PDE4C: variants seen among roughly 807,000 people sequenced by gnomAD.
PDE4C encodes the protein 3',5'-cyclic-AMP phosphodiesterase 4C.
Under a neutral mutation model 63.9 loss-of-function variants are expected in PDE4C, and 50 were observed. The observed-to-expected ratio is 0.78, with a 90% CI of 0.62 to 0.99. The LOEUF (loss-of-function observed/expected upper bound fraction) is 0.99, where lower values mean the gene tolerates loss of function less well. Ranked by LOEUF, PDE4C falls within the 50% of genes least tolerant of loss-of-function variation. The probability of loss-of-function intolerance (pLI) is 0.00; values close to 1 mark genes in which losing one functional copy is unlikely to be tolerated. For missense variants in PDE4C, 777 were observed against 899.1 expected, an observed-to-expected ratio of 0.86 and a Z score of 1.74; for synonymous variants, 377 against 385.1, an observed-to-expected ratio of 0.98 and a Z score of 0.25.
chr19:18,225,168 G>GC lies in PDE4C; in HGVS notation c.146+1101dup, dbSNP rs1293098422. ...ATGACGCGGGCGGTGCGGGGGTAGAGCCCCCCGGCTGTGGGAACGGCGCGG... is the reference window on the plus strand; with the variant it reads ...ATGACGCGGGCGGTGCGGGGGTAGAGCCCCCCCGGCTGTGGGAACGGCGCGG... On this transcript the variant is annotated intron_variant, in intron 1 of 14. Transcript: ENST00000262805. Among the ~76,000 whole-genome samples the GC allele has an allele frequency of 5.3e-5, 8 of 152,246 alleles. No individual in the cohort carries two copies. In the East Asian group the frequency reaches 9.7e-4, roughly 18 times the overall value.
At chr19:18,215,986 G>A (rs886753132) in intron 12 of PDE4C, among the ~76,000 whole-genome samples, 28 of 149,858 alleles carry the variant, frequency 1.9e-4, no homozygotes, top group African/African-American at 6.4e-4. Flanking sequence ...CCCGCCACCA[G>A]GCCCGGCTAA....
exon 1 of PDE4C, chr19:18,233,545 G>A (rs751183803): frequency 1.3e-5 from 7 of 543,590 alleles, no homozygotes; most frequent in Non-Finnish European, 2.1e-5. Context: ...CAAGGACTTG[G>A]AGTGGAGAAG....
chr19:18,251,676 A>ACCCCCCCCCC (rs1969230557), upstream of PDE4C, among the ~76,000 whole-genome samples: 7 of 23,566 alleles, frequency 3.0e-4, no homozygotes, highest in African/African-American at 6.8e-4. Flanking sequence ...CTCGTGATAC[A>ACCCCCCCCCC]CGCCCCCCCC....
chr19:18,233,375 G>T (rs1240808718), exon 1 of PDE4C: 2 of 790,666 alleles, frequency 2.5e-6, no homozygotes, highest in East Asian at 2.7e-5. Flanking sequence ...GGCCGACACC[G>T]AGGAGCTGTC....
At chr19:18,223,415 G>T (rs1253995799) in intron 1 of PDE4C, among the ~76,000 whole-genome samples, 1 of 152,064 alleles carries the variant, frequency 6.6e-6, no homozygotes, top group Non-Finnish European at 1.5e-5. Flanking sequence ...TCTCCATGTT[G>T]GTCAGGCTGG....
intron 1 of PDE4C, among the ~76,000 whole-genome samples, chr19:18,242,112 A>G (rs940212266): frequency 9.2e-5 from 14 of 152,138 alleles, no homozygotes; most frequent in Admixed American, 3.9e-4. Context: ...ATAGGGGAAC[A>G]GCATACCAGG....
At chr19:18,228,675 G>A (rs1968790876), upstream of PDE4C, among the ~76,000 whole-genome samples, 1 of 152,144 alleles carries the variant, frequency 6.6e-6, no homozygotes, top group South Asian at 2.1e-4. Context: ...GTTCTAACAG[G>A]AAGGTGTTAA....
At position 18,221,196 on chromosome 19, in the gene PDE4C, T is replaced by G. The variant is rs1243142329; in HGVS notation, c.376-18A>C. 6.4e-7 allele frequency: 1 copy of G among 1,564,316 alleles called. No homozygotes were observed. Among genetic ancestry groups the G allele is most frequent in the African/African-American group, 1.4e-5 (1 of 72,492 alleles). On this transcript the variant is annotated intron_variant, in intron 3 of 14. Transcript: ENST00000262805. ...GCCAGGACCTGTTGGGAGGAGGTGG[T>G]AGGCGGTGGGAAGGAGAGGCCGGAT...
chr19:18,238,746 A>G (rs1016770216), intron 1 of PDE4C, among the ~76,000 whole-genome samples: 1 of 151,952 alleles, frequency 6.6e-6, no homozygotes, highest in Non-Finnish European at 1.5e-5. Flanking sequence ...TAATCCCAAT[A>G]CTTTGGGAGG....
the PDE4C span, chr19:18,255,211 A>G: frequency 2.5e-6 from 1 of 396,738 alleles, no homozygotes; most frequent in Non-Finnish European, 4.4e-6. The surrounding 1 kb of genome is among the most constrained non-coding windows in gnomAD (Gnocchi z 4.6). Context: ...CCTCTTTACC[A>G]GCTCTTACCT....
exon 2 of PDE4C, chr19:18,222,219 C>T (rs767854993): frequency 1.2e-6 from 2 of 1,614,160 alleles, no homozygotes; most frequent in Non-Finnish European, 1.7e-6. Context: ...GGACTCGCGC[C>T]GCTGGCTGTG....
intron 3 of PDE4C, 28 bp from the exon 4 acceptor site, chr19:18,221,206 G>A (rs1467149459): frequency 1.3e-6 from 2 of 1,551,796 alleles, no homozygotes; most frequent in Non-Finnish European, 1.7e-6. Flanking sequence ...TAGGCGGTGG[G>A]AAGGAGAGGC....
intron 12 of PDE4C, among the ~76,000 whole-genome samples, chr19:18,214,386 G>T (rs759315880): frequency 6.6e-6 from 1 of 152,132 alleles, no homozygotes; most frequent in Admixed American, 6.6e-5. Flanking sequence ...GGGAGGATGA[G>T]TTCTGTGCAA....
intron 12 of PDE4C, 114 bp from the exon 13 acceptor site, chr19:18,213,604 C>A: frequency 8.5e-7 from 1 of 1,175,190 alleles, no homozygotes; most frequent in East Asian, 2.7e-5. Flanking sequence ...CCTCAGCATA[C>A]TCATCTGTGA....
upstream of PDE4C, among the ~76,000 whole-genome samples, chr19:18,235,908 C>T (rs1968942069): frequency 6.6e-6 from 1 of 151,906 alleles, no homozygotes; most frequent in Non-Finnish European, 1.5e-5. Flanking sequence ...GACTTCTCTT[C>T]ATCCCTCAGG....
chr19:18,241,879 A>G (rs186504233), intron 1 of PDE4C, among the ~76,000 whole-genome samples: 1 of 152,282 alleles, frequency 6.6e-6, no homozygotes, highest in East Asian at 1.9e-4. Context: ...TGGGAAAACA[A>G]GGTTCCAGAT....
At chr19:18,211,308 G>C in intron 14 of PDE4C, 32 bp from the exon 15 acceptor site, 1 of 1,530,206 alleles carries the variant, frequency 6.5e-7, no homozygotes, top group Non-Finnish European at 8.8e-7. Flanking sequence ...GTCGGCATTT[G>C]GTGAGTTACA....
upstream of PDE4C, among the ~76,000 whole-genome samples, chr19:18,251,022 C>G (rs1044995563): frequency 1.3e-5 from 2 of 152,040 alleles, no homozygotes; most frequent in Non-Finnish European, 2.9e-5. Flanking sequence ...GTGATCCACC[C>G]GCCTCGGCCT....
chr19:18,237,872 CAAA>C (rs57462449), upstream of PDE4C, among the ~76,000 whole-genome samples: 18 of 94,922 alleles, frequency 1.9e-4, no homozygotes, highest in African/African-American at 6.2e-4. Flanking sequence ...GACTCCATCT[CAAA>C]AAAAAAAAAA....
Sources: gnomAD v4.1 joint callset for allele counts (sites outside exome capture counted in the v4.1 genomes callset) on GRCh38, gnomAD v4.1.1 for gene constraint, Gnocchi (gnomAD v3.1) non-coding constraint, MANE v1.5 for transcripts, NCBI Gene and HGNC (gene_info 2026-07-23, HGNC 2026-07-21) for gene names.